Variants in RNF207 observed in about 807,000 individuals in gnomAD.
The protein encoded by RNF207 is OTTHUMG00000001089.
A neutral mutation model predicts 79.0 loss-of-function variants in RNF207; 72 were observed. The observed-to-expected ratio is 0.91, with a 90% CI of 0.75 to 1.11. The LOEUF (loss-of-function observed/expected upper bound fraction) is 1.11, where lower values mean the gene tolerates loss of function less well. Ranked by LOEUF, RNF207 falls within the 50% of genes least tolerant of loss-of-function variation. RNF207 has a pLI of 0.00. For synonymous variants in RNF207, 348 were observed against 366.2 expected (o/e 0.95, Z 0.57); for missense variants, 936 against 855.8 (o/e 1.09, Z -1.17).
rs1668536525 is a variant in RNF207 at position 6,221,114 on chromosome 1, C to T, written c.*1707C>T. On this transcript the variant is annotated 3_prime_UTR_variant, in exon 18 of 18. Coordinates refer to ENST00000377939, the MANE Select transcript of RNF207 (RefSeq NM_207396.3). ...GAAATTGAGGAGGCCAAACACACGTCGTTTGAGGCTAAAGGCTTAAGACGC... is the reference window on the plus strand; with the variant it reads ...GAAATTGAGGAGGCCAAACACACGTTGTTTGAGGCTAAAGGCTTAAGACGC... 6.6e-6 allele frequency: 1 copy of T among 152,546 alleles called. No individual in the cohort carries two copies. The highest frequency in any genetic ancestry group is 2.1e-4 in the South Asian group (1 of 4,820). The allele number at this position is 152,546 out of a possible 1,614,324, so 9.4% of individuals were successfully genotyped here. A position where few individuals can be genotyped will look rare whatever the true frequency, so the allele number is the denominator to read the frequency against.
In RNF207 at chr1:6,211,094, C is replaced by A; in HGVS notation, c.1085C>A (p.Ala362Glu). 6.2e-7 allele frequency: 1 copy of A among 1,600,106 alleles called. No individual in the cohort carries two copies. The highest frequency in any genetic ancestry group is 8.5e-7 in the Non-Finnish European group (1 of 1,177,586). Residue 362 changes from alanine (A) to glutamate (E), a missense_variant, in exon 12 of 18, where the codon GCA (alanine) becomes GAA (glutamate). Physicochemically the swap from Ala to Glu is moderately radical, Grantham distance 107 (BLOSUM62 -1). Transcript: ENST00000377939. The surrounding 1 kb of genome is among the most constrained non-coding windows in gnomAD (Gnocchi z 4.2). ...PLLLLGPRRV[A>E]AAASGANTLA... ...CTGCTGCTGGGGCCACGTCGGGTGG[C>A]AGCTGCTGCAAGTGGTGCTAACACG...
Position 6,207,440 on chromosome 1 carries a change from C to A in RNF207, c.253C>A (p.Leu85Met). ...LPPVDRLLQF[L>M]VDSSGDGVEA... is the part of the protein sequence containing the mutation. The stretch of plus-strand genomic sequence containing the variant: ...GCCGGTGGACCGGCTGCTGCAGTTC[C>A]TGGTGGACAGCTCAGGGGATGGCGT... Residue 85 changes from leucine to methionine, a missense_variant, in exon 3 of 18, where the codon CTG becomes ATG. By Grantham distance (15) the Leu-to-Met change is conservative. Coordinates refer to ENST00000377939, the MANE Select transcript of RNF207 (RefSeq NM_207396.3). This position sits in a 1 kb window ranked among gnomAD's most constrained non-coding sequence, Gnocchi z 4.5. 1 of 1,568,316 alleles carries A rather than the reference C, an allele frequency of 6.4e-7. No individual in the cohort carries two copies. Among genetic ancestry groups the A allele is most frequent in the Non-Finnish European group, 8.7e-7 (1 of 1,154,612 alleles).
intron 1 of RNF207, 72 bp from the exon 2 acceptor site, chr1:6,206,464 G>C: frequency 8.2e-7 from 1 of 1,219,778 alleles, no homozygotes; most frequent in East Asian, 2.6e-5. Flanking sequence ...CGGGCGCCCG[G>C]GCAGAGGGGC....
rs1361913830 is a variant in RNF207, at chr1:6,213,149, T to C, written c.1618T>C (p.Ser540Pro). ...CAAGCAGATCACGCCCTACGTCCGCTCCATTGCCAAGGTGAAGGAGCGGCT... is the reference window on the plus strand; with the variant it reads ...CAAGCAGATCACGCCCTACGTCCGCCCCATTGCCAAGGTGAAGGAGCGGCT... ...ITKQITPYVRSIAKVKERLEP... is the reference protein window; with the variant it reads ...ITKQITPYVRPIAKVKERLEP... Residue 540 changes from serine (S) to proline (P), a missense_variant, in exon 16 of 18, where the codon TCC (serine) becomes CCC (proline). Physicochemically the swap from Ser to Pro is moderately conservative, Grantham distance 74. Coordinates refer to ENST00000377939, the MANE Select transcript of RNF207 (RefSeq NM_207396.3). 1 of 1,612,868 alleles carries C rather than the reference T, an allele frequency of 6.2e-7. No homozygotes were observed. The highest frequency in any genetic ancestry group is 2.2e-5 in the East Asian group (1 of 44,804).
In RNF207 at chr1:6,212,276, C is replaced by T. The variant is rs2100935938; in HGVS notation, c.1342C>T (p.Leu448=). 1 of 1,613,116 alleles carries T rather than the reference C, an allele frequency of 6.2e-7. No homozygotes were observed. The highest frequency in any genetic ancestry group is 8.5e-7 in the Non-Finnish European group (1 of 1,179,674). ...GAGCCTAAAGGACCAGGTACAGGAG[C>T]TGCACCGAGACCTCACCAAGCACCA... ...MQSLKDQVQE[L]HRDLTKHHSL... is the part of the protein sequence containing the mutation. The change falls in exon 14 of 18, where the codon CTG becomes TTG. Residue 448 remains leucine (L), a synonymous_variant. Transcript: ENST00000377939.
intron 7 of RNF207, among the ~76,000 whole-genome samples, 190 bp from the exon 8 acceptor site, chr1:6,209,734 G>A (rs1194442333): frequency 6.6e-6 from 1 of 152,126 alleles, no homozygotes; most frequent in Non-Finnish European, 1.5e-5. Flanking sequence ...AGGTGGTCAG[G>A]AAAGACTTCC....
chr1:6,206,753 C>A (rs1440551612), intron 2 of RNF207, 27 bp downstream of exon 2: 13 of 1,585,308 alleles, frequency 8.2e-6, no homozygotes, highest in Non-Finnish European at 1.0e-5. Context: ...TCCCCAAAAC[C>A]CCCCAGACCC....
At chr1:6,212,074 CG>C (rs201365005) in intron 13 of RNF207, 21 bp downstream of exon 13, 1 of 1,558,810 alleles carries the variant, frequency 6.4e-7, no homozygotes, top group African/African-American at 1.4e-5. Context: ...AGGGATCTGC[CG>C]GAGGGGGGAG....
Position 6,210,856 on chromosome 1 carries a change from C to T in RNF207, c.943-14C>T, listed in dbSNP as rs755843425. The stretch of plus-strand genomic sequence containing the variant: ...CACACCTCCACCGGCCTGAGGCCCT[C>T]CTCACTGCCACAGGAGCTGATGGAG... On this transcript the variant is annotated splice_polypyrimidine_tract_variant and intron_variant, in intron 10 of 17. Coordinates refer to ENST00000377939, the MANE Select transcript of RNF207 (RefSeq NM_207396.3). 22 of 1,588,154 alleles carry T rather than the reference C, an allele frequency of 1.4e-5. No homozygotes were observed. In the African/African-American group the frequency reaches 2.4e-4, roughly 17 times the overall value.
At position 6,220,806 on chromosome 1, in the gene RNF207, C is replaced by T. The variant is rs567656482; in HGVS notation, c.*1399C>T. 12 of 152,318 alleles carry T rather than the reference C, an allele frequency of 7.9e-5. No homozygotes were observed. Among genetic ancestry groups the T allele is most frequent in the Non-Finnish European group, 1.6e-4 (11 of 68,022 alleles). 9.4% of individuals were successfully genotyped at this position (152,318 alleles called of 1,614,324 possible). A position where few individuals can be genotyped will look rare whatever the true frequency, so the allele number is the denominator to read the frequency against. On this transcript the variant is annotated 3_prime_UTR_variant, in exon 18 of 18. Transcript: ENST00000377939. ...TAAATGCTTTTTAAAAAGTAACCCA[C>T]GTGACGTAAAATTTTACAAGTTTTT...
At position 6,208,924 on chromosome 1, in the gene RNF207, T is replaced by C. The variant is rs1668026582; in HGVS notation, c.368T>C (p.Leu123Pro). Reference protein sequence around the residue: ...TYFCNTCGQPLCARCRDETHR... With the variant: ...TYFCNTCGQPPCARCRDETHR... ...TTCTGCAACACGTGCGGACAGCCCC[T>C]ATGCGCGCGCTGCCGCGACGAGACG... The change falls in exon 4 of 18, where the codon CTA becomes CCA. Residue 123 changes from leucine to proline, a missense_variant. Transcript: ENST00000377939. The C allele has an allele frequency of 6.5e-7, 1 of 1,534,748 alleles. No homozygotes were observed. The highest frequency in any genetic ancestry group is 8.7e-7 in the Non-Finnish European group (1 of 1,145,622).
At chr1:6,206,491 G>A in intron 1 of RNF207, 45 bp from the exon 2 acceptor site, 1 of 1,449,306 alleles carries the variant, frequency 6.9e-7, no homozygotes, top group Non-Finnish European at 9.2e-7. Context: ...AGCTCAAGCG[G>A]GGCTCCGTGC....
chr1:6,212,920 T>C, intron 15 of RNF207, 146 bp from the exon 16 acceptor site: 1 of 762,654 alleles, frequency 1.3e-6, no homozygotes, highest in Non-Finnish European at 2.3e-6. Context: ...ATTCATTGAG[T>C]AGAATGCCCC....
At position 6,209,153 on chromosome 1, in the gene RNF207, A is replaced by G. The variant is rs865797884; in HGVS notation, c.508A>G (p.Lys170Glu). The change falls in exon 5 of 18, where the codon AAG becomes GAG. Residue 170 changes from lysine (K) to glutamate (E), a missense_variant. Physicochemically the swap from Lys to Glu is moderately conservative, Grantham distance 56 (BLOSUM62 1). Transcript: ENST00000377939. ...AEPYLLFSTD[K>E]KLLLCIRCFR... is the part of the protein sequence containing the mutation. ...GCCCTACCTCTTGTTCTCCACCGAC[A>G]AGAAGTTGCTGTTGTGCATCCGCTG... The G allele has an allele frequency of 1.9e-6, 3 of 1,558,140 alleles. No individual in the cohort carries two copies. In the Admixed American group the frequency reaches 5.7e-5, roughly 30 times the overall value.
chr1:6,220,115 G>T lies in RNF207; in HGVS notation c.*708G>T, dbSNP rs1183953915. 1.3e-5 allele frequency: 2 copies of T among 152,176 alleles called. No homozygotes were observed. Among genetic ancestry groups the T allele is most frequent in the Admixed American group, 6.5e-5 (1 of 15,268 alleles). 9.4% of individuals were successfully genotyped at this position (152,176 alleles called of 1,614,324 possible). ...GCCCGGCCGGTTATTTCTTTAAAAGGTAATCATTTGTCAAGAGTAAAACCC... is the reference window on the plus strand; with the variant it reads ...GCCCGGCCGGTTATTTCTTTAAAAGTTAATCATTTGTCAAGAGTAAAACCC... On this transcript the variant is annotated 3_prime_UTR_variant, in exon 18 of 18. Transcript: ENST00000377939.
In RNF207 at chr1:6,206,725, CAGTA is replaced by C; in HGVS notation, c.191+3_191+6del. ...CGGCCGCCTCACCTGCCCGCTGTGC[CAGTA>C]AGTGTCCCAAAGTTCCCCAAAACCC... On this transcript the variant is annotated splice_donor_variant and splice_donor_region_variant and coding_sequence_variant and intron_variant, in exon 2 of 18. Coordinates refer to ENST00000377939, the MANE Select transcript of RNF207 (RefSeq NM_207396.3). LOFTEE classifies it high-confidence loss of function. 1 of 1,600,120 alleles carries C rather than the reference CAGTA, an allele frequency of 6.2e-7. No individual in the cohort carries two copies. Among genetic ancestry groups the C allele is most frequent in the Non-Finnish European group, 8.5e-7 (1 of 1,179,558 alleles).
At position 6,209,910 on chromosome 1, in the gene RNF207, G is replaced by C. The variant is rs773250521; in HGVS notation, c.754-14G>C. ...TGGGGCGCAAATCAAGAGCATGCTC[G>C]CCATCTCTCCCAGGACAGGCTGGCA... On this transcript the variant is annotated splice_polypyrimidine_tract_variant and intron_variant, in intron 7 of 17. Transcript: ENST00000377939. 1.3e-6 allele frequency: 2 copies of C among 1,574,546 alleles called. No individual in the cohort carries two copies. Among genetic ancestry groups the C allele is most frequent in the South Asian group, 1.2e-5 (1 of 85,902 alleles).
In RNF207 at chr1:6,208,942, A is replaced by C; in HGVS notation, c.386A>C (p.Asp129Ala). Residue 129 changes from aspartate (D) to alanine (A), a missense_variant, in exon 4 of 18, where the codon GAC becomes GCC. Transcript: ENST00000377939. ...CAGCCCCTATGCGCGCGCTGCCGCG[A>C]CGAGACGCACCGAGCACGCATGTTC... Reference protein sequence around the residue: ...CGQPLCARCRDETHRARMFAR... With the variant: ...CGQPLCARCRAETHRARMFAR... The C allele has an allele frequency of 6.5e-7, 1 of 1,535,108 alleles. No individual in the cohort carries two copies. Among genetic ancestry groups the C allele is most frequent in the South Asian group, 1.2e-5 (1 of 83,960 alleles).
rs1392809540 is a variant in RNF207 at position 6,220,931 on chromosome 1, C to G, written c.*1524C>G. ...CTACGTGCTAACATGGCAGCACATTCAACACATAACACATCACTCACATTG... is the reference window on the plus strand; with the variant it reads ...CTACGTGCTAACATGGCAGCACATTGAACACATAACACATCACTCACATTG... On this transcript the variant is annotated 3_prime_UTR_variant, in exon 18 of 18. Transcript: ENST00000377939. 6.6e-6 allele frequency: 1 copy of G among 152,222 alleles called. No homozygotes were observed. Among genetic ancestry groups the G allele is most frequent in the Non-Finnish European group, 1.5e-5 (1 of 68,044 alleles). The allele number at this position is 152,222 out of a possible 1,614,324, so 9.4% of individuals were successfully genotyped here.
Sources: allele counts gnomAD v4.1 joint callset (sites outside exome capture counted in the v4.1 genomes callset), GRCh38; gene constraint gnomAD v4.1.1; non-coding constraint Gnocchi (gnomAD v3.1); transcripts MANE v1.5; gene names NCBI Gene and HGNC (gene_info 2026-07-23, HGNC 2026-07-21).